Variants in ZDHHC3 observed in about 807,000 individuals in gnomAD.
ZDHHC3 encodes zDHHC palmitoyltransferase 3.
ZDHHC3 carries 9 observed loss-of-function variants against 30.6 expected under a neutral mutation model. The ratio of observed to expected loss-of-function variants is 0.29; its 90% CI spans 0.18 to 0.51. The LOEUF (loss-of-function observed/expected upper bound fraction) is 0.51. Among genes scored for constraint, ZDHHC3 ranks in the 20% least tolerant of loss-of-function variants. ZDHHC3 has a pLI of 0.97. For missense variants in ZDHHC3, 246 were observed against 384.2 expected (o/e 0.64, Z 3.01); for synonymous variants, 136 against 140.2 (o/e 0.97, Z 0.21).
intron 2 of ZDHHC3, 75 bp from the exon 3 acceptor site, chr3:44,945,367 T>C: frequency 1.3e-6 from 2 of 1,596,258 alleles, no homozygotes; most frequent in Non-Finnish European, 8.6e-7. Flanking sequence ...TGGGGATAGT[T>C]ATTTGAAAGC....
At chr3:44,962,125 T>C (rs979681330) in intron 1 of ZDHHC3, among the ~76,000 whole-genome samples, 7 of 152,220 alleles carry the variant, frequency 4.6e-5, no homozygotes, top group African/African-American at 1.7e-4. Flanking sequence ...TGCGGACCAC[T>C]TCCCCATAAC....
At position 44,923,321 on chromosome 3, in the gene ZDHHC3, C is replaced by T. The variant is rs1442345372; in HGVS notation, c.*3368G>A. On this transcript the variant is annotated 3_prime_UTR_variant, in exon 7 of 7. Coordinates refer to ENST00000424952, the MANE Select transcript of ZDHHC3 (RefSeq NM_001135179.2). ...TCGATCTCTTGACCTCGTGATCTGC[C>T]CGCCTCGGCCTCCCAAAGTGCTGGG... 7.1e-6 allele frequency: 7 copies of T among 981,928 alleles called. No individual in the cohort carries two copies. Among genetic ancestry groups the T allele is most frequent in the Non-Finnish European group, 8.5e-6 (7 of 826,984 alleles). The allele number at this position is 981,928 out of a possible 1,614,324, so 60.8% of individuals were successfully genotyped here.
Position 44,976,038 on chromosome 3 carries a change from T to G in ZDHHC3, c.-130A>C. On this transcript the variant is annotated 5_prime_UTR_variant, in exon 1 of 7. Transcript: ENST00000424952. ...CCAACCCGGGACCCGGCCTCGGGCTTCGGCGATGGCTCCTCGGAACGAGGC... is the reference window on the plus strand; with the variant it reads ...CCAACCCGGGACCCGGCCTCGGGCTGCGGCGATGGCTCCTCGGAACGAGGC... The G allele has an allele frequency of 2.5e-6, 1 of 397,826 alleles. No homozygotes were observed. Among genetic ancestry groups the G allele is most frequent in the Non-Finnish European group, 4.4e-6 (1 of 225,280 alleles). The allele number at this position is 397,826 out of a possible 1,614,324, so 24.6% of individuals were successfully genotyped here. A position where few individuals can be genotyped will look rare whatever the true frequency, so the allele number is the denominator to read the frequency against.
chr3:44,918,798 T>C lies in ZDHHC3; in HGVS notation c.*7891A>G, dbSNP rs1700389949. 5 of 987,126 alleles carry C rather than the reference T, an allele frequency of 5.1e-6. No individual in the cohort carries two copies. The highest frequency in any genetic ancestry group is 6.0e-6 in the Non-Finnish European group (5 of 831,140). 61.1% of individuals were successfully genotyped at this position (987,126 alleles called of 1,614,324 possible). On this transcript the variant is annotated 3_prime_UTR_variant, in exon 7 of 7. Coordinates refer to ENST00000424952, the MANE Select transcript of ZDHHC3 (RefSeq NM_001135179.2). ...CTTCCAAGCTGTCAACTCACCTGCC[T>C]CTGGGTGTCGGCTGCAACTCAGCCA... is the stretch of plus-strand genomic sequence containing the variant.
intron 2 of ZDHHC3, among the ~76,000 whole-genome samples, chr3:44,954,337 T>C (rs1230302926): frequency 6.6e-6 from 1 of 152,220 alleles, no homozygotes; most frequent in Non-Finnish European, 1.5e-5. Context: ...TAATACTATG[T>C]TTTTACTGTA....
rs1438684034 is a variant in ZDHHC3, at chr3:44,920,253, TCCC to T, written c.*6433_*6435del. On this transcript the variant is annotated 3_prime_UTR_variant, in exon 7 of 7. Transcript: ENST00000424952. ...TTCCTGACTGGCCCCTCGCCAGGCC[TCCC>T]TTCTTGGCACAGAAGCAGTGACCAG... 24 of 1,289,782 alleles carry T rather than the reference TCCC, an allele frequency of 1.9e-5. No homozygotes were observed. The highest frequency in any genetic ancestry group is 2.4e-5 in the Non-Finnish European group (24 of 988,902). 79.9% of individuals were successfully genotyped at this position (1,289,782 alleles called of 1,614,324 possible). A position where few individuals can be genotyped will look rare whatever the true frequency, so the allele number is the denominator to read the frequency against.
At chr3:44,960,065 G>C (rs1408636763) in intron 1 of ZDHHC3, among the ~76,000 whole-genome samples, 1 of 152,202 alleles carries the variant, frequency 6.6e-6, no homozygotes, top group East Asian at 1.9e-4. Flanking sequence ...ACCCAGGCCA[G>C]CCTGGCAATT....
In ZDHHC3 at chr3:44,916,701, G is replaced by C. The variant is rs1196153700; in HGVS notation, c.*9988C>G. 3 of 152,230 alleles carry C rather than the reference G, an allele frequency of 2.0e-5. No homozygotes were observed. The highest frequency in any genetic ancestry group is 6.5e-5 in the Admixed American group (1 of 15,286). 9.4% of individuals were successfully genotyped at this position (152,230 alleles called of 1,614,324 possible). On this transcript the variant is annotated 3_prime_UTR_variant, in exon 7 of 7. Transcript: ENST00000424952. ...CCCTTCTGTTGGGCTTTGTGCAGAA[G>C]ATGCTGCTTCAGCAACCACTGGAAT... is the stretch of plus-strand genomic sequence containing the variant.
chr3:44,937,723 C>T, intron 3 of ZDHHC3: 1 of 234,710 alleles, frequency 4.3e-6, no homozygotes, highest in Non-Finnish European at 8.8e-6. Context: ...AGCTGAGGAA[C>T]ACCAGGAGTG....
chr3:44,917,836 AC>A lies in ZDHHC3; in HGVS notation c.*8852del. On this transcript the variant is annotated 3_prime_UTR_variant, in exon 7 of 7. Coordinates refer to ENST00000424952, the MANE Select transcript of ZDHHC3 (RefSeq NM_001135179.2). ...ATGCCCATAAGCCCCTTTAGCCAAAACCCCAGGATGAAGGTTGACAGCACTT... is the reference window on the plus strand; with the variant it reads ...ATGCCCATAAGCCCCTTTAGCCAAAACCCAGGATGAAGGTTGACAGCACTT... 1 of 1,277,184 alleles carries A rather than the reference AC, an allele frequency of 7.8e-7. No individual in the cohort carries two copies. The highest frequency in any genetic ancestry group is 5.6e-5 in the East Asian group (1 of 17,842). 79.1% of individuals were successfully genotyped at this position (1,277,184 alleles called of 1,614,324 possible). A position where few individuals can be genotyped will look rare whatever the true frequency, so the allele number is the denominator to read the frequency against.
In ZDHHC3 at chr3:44,925,344, C is replaced by T. The variant is rs1210089276; in HGVS notation, c.*1345G>A. 1.0e-6 allele frequency: 1 copy of T among 985,674 alleles called. No homozygotes were observed. Among genetic ancestry groups the T allele is most frequent in the Non-Finnish European group, 1.2e-6 (1 of 829,924 alleles). 61.1% of individuals were successfully genotyped at this position (985,674 alleles called of 1,614,324 possible). ...CTCCTACCCCCACCCCAAGCAAAAG[C>T]TAAAAAAGGGGGTTTCTGGCAATTG... On this transcript the variant is annotated 3_prime_UTR_variant, in exon 7 of 7. Transcript: ENST00000424952.
At position 44,920,991 on chromosome 3, in the gene ZDHHC3, T is replaced by C; in HGVS notation, c.*5698A>G. The C allele has an allele frequency of 1.3e-5, 13 of 985,460 alleles. No individual in the cohort carries two copies. The highest frequency in any genetic ancestry group is 1.6e-5 in the Non-Finnish European group (13 of 829,924). The allele number at this position is 985,460 out of a possible 1,614,324, so 61.0% of individuals were successfully genotyped here. The stretch of plus-strand genomic sequence containing the variant: ...GTTTTGTGTGGATTTAAAGGGATCC[T>C]GCAGGCAAAGTTCTTAAGCTTGAGG... On this transcript the variant is annotated 3_prime_UTR_variant, in exon 7 of 7. Transcript: ENST00000424952.
rs983251105 is a variant in ZDHHC3, at chr3:44,925,858, A to T, written c.*831T>A. On this transcript the variant is annotated 3_prime_UTR_variant, in exon 7 of 7. Transcript: ENST00000424952. ...ACATCTTGCTGGGGAAGAGAGGGAGATGGGGTGGTGAGAGAGGAAGCAGAT... is the reference window on the plus strand; with the variant it reads ...ACATCTTGCTGGGGAAGAGAGGGAGTTGGGGTGGTGAGAGAGGAAGCAGAT... The T allele has an allele frequency of 2.9e-5, 29 of 985,720 alleles. No individual in the cohort carries two copies. The highest frequency in any genetic ancestry group is 1.1e-5 in the Non-Finnish European group (9 of 829,954). 61.1% of individuals were successfully genotyped at this position (985,720 alleles called of 1,614,324 possible).
At chr3:44,933,557 A>G in intron 4 of ZDHHC3, 3 of 532,708 alleles carry the variant, frequency 5.6e-6, no homozygotes, top group Non-Finnish European at 1.0e-5. Flanking sequence ...TAGTCCTTGC[A>G]CTAAGTAGAC....
rs572061230 is a variant in ZDHHC3, at chr3:44,921,657, C to T, written c.*5032G>A. ...GACGCTATACATTCCTATTCATCACCCTCATTTAATCCTTCCATTAACTTT... is the reference window on the plus strand; with the variant it reads ...GACGCTATACATTCCTATTCATCACTCTCATTTAATCCTTCCATTAACTTT... On this transcript the variant is annotated 3_prime_UTR_variant, in exon 7 of 7. Coordinates refer to ENST00000424952, the MANE Select transcript of ZDHHC3 (RefSeq NM_001135179.2). 1.0e-6 allele frequency: 1 copy of T among 973,244 alleles called. No individual in the cohort carries two copies. The highest frequency in any genetic ancestry group is 1.2e-6 in the Non-Finnish European group (1 of 818,908). 60.3% of individuals were successfully genotyped at this position (973,244 alleles called of 1,614,324 possible).
At chr3:44,974,251 G>A (rs375810745) in intron 1 of ZDHHC3, among the ~76,000 whole-genome samples, 13 of 152,172 alleles carry the variant, frequency 8.5e-5, no homozygotes, top group African/African-American at 2.9e-4. Context: ...TGGAATTCCC[G>A]TCAATTGTGA....
Position 44,920,382 on chromosome 3 carries a change from A to C in ZDHHC3, c.*6307T>G. The C allele has an allele frequency of 1.1e-5, 14 of 1,288,922 alleles. No homozygotes were observed. Among genetic ancestry groups the C allele is most frequent in the Non-Finnish European group, 1.4e-5 (14 of 988,120 alleles). 79.8% of individuals were successfully genotyped at this position (1,288,922 alleles called of 1,614,324 possible). ...AACTTCATAGCACGAGAGCTGGGAC[A>C]TCACCATATGGCAGACCCGGCTACA... On this transcript the variant is annotated 3_prime_UTR_variant, in exon 7 of 7. Transcript: ENST00000424952.
chr3:44,943,236 G>C (rs1186991171), intron 3 of ZDHHC3, among the ~76,000 whole-genome samples: 1 of 152,226 alleles, frequency 6.6e-6, no homozygotes, highest in Non-Finnish European at 1.5e-5. Flanking sequence ...TGTGGAAAGA[G>C]CCCTGTCTGG....
Position 44,924,339 on chromosome 3 carries a change from A to C in ZDHHC3, c.*2350T>G, listed in dbSNP as rs1356988255. The C allele has an allele frequency of 1.2e-5, 12 of 985,280 alleles. No homozygotes were observed. Among genetic ancestry groups the C allele is most frequent in the Non-Finnish European group, 1.4e-5 (12 of 829,892 alleles). 61.0% of individuals were successfully genotyped at this position (985,280 alleles called of 1,614,324 possible). ...TCAGTCATTGTGCTCTTGGCAAAAT[A>C]TCAGTCTGAACAAAAATGAAATAGG... On this transcript the variant is annotated 3_prime_UTR_variant, in exon 7 of 7. Transcript: ENST00000424952.
Sources: gnomAD v4.1 joint callset for allele counts (sites outside exome capture counted in the v4.1 genomes callset) on GRCh38, gnomAD v4.1.1 for gene constraint, MANE v1.5 for transcripts, NCBI Gene and HGNC (gene_info 2026-07-23, HGNC 2026-07-21) for gene names.